GALM: variants seen among roughly 807,000 people sequenced by gnomAD.
GALM encodes galactose mutarotase.
Under a neutral mutation model 37.4 loss-of-function variants are expected in GALM, and 43 were observed. The observed-to-expected ratio is 1.15, with a 90% CI of 0.90 to 1.48. The LOEUF is 1.48. Ranked by LOEUF, GALM falls within the 40% of genes most tolerant of loss-of-function variation. The probability of loss-of-function intolerance (pLI) is 0.00; values close to 1 mark genes in which losing one functional copy is unlikely to be tolerated. For missense variants in GALM, 456 were observed against 419.1 expected (o/e 1.09, Z -0.77); for synonymous variants, 199 against 170.6 (o/e 1.17, Z -1.30).
At position 38,675,801 on chromosome 2, in the gene GALM, C is replaced by T. The variant is rs556516328; in HGVS notation, c.191-111C>T. 5.8e-5 allele frequency: 55 copies of T among 950,892 alleles called. No homozygotes were observed. In the African/African-American group the frequency reaches 8.2e-4, roughly 14 times the overall value. 58.9% of individuals were successfully genotyped at this position (950,892 alleles called of 1,614,324 possible). ...AGCCAGGATGGTCTCGATCTCCTGA[C>T]CTTGTGATCCGCCTGCCTCGGCCTC... On this transcript the variant is annotated intron_variant, in intron 1 of 6. Coordinates refer to ENST00000272252, the MANE Select transcript of GALM (RefSeq NM_138801.3).
chr2:38,689,809 C>A lies in GALM; in HGVS notation c.553-4C>A. 1 of 1,580,706 alleles carries A rather than the reference C, an allele frequency of 6.3e-7. No homozygotes were observed. Among genetic ancestry groups the A allele is most frequent in the East Asian group, 2.2e-5 (1 of 44,526 alleles). On this transcript the variant is annotated splice_polypyrimidine_tract_variant and splice_region_variant and intron_variant, in intron 3 of 6. Transcript: ENST00000272252. ...AAAACCTTTCCCCTACCTTTTCCTCCCAGGCTTCCCCAAATATAAATGACC... is the reference window on the plus strand; with the variant it reads ...AAAACCTTTCCCCTACCTTTTCCTCACAGGCTTCCCCAAATATAAATGACC...
At chr2:38,673,809 C>CAAAAA (rs373671218) in intron 1 of GALM, among the ~76,000 whole-genome samples, 1 of 84,528 alleles carries the variant, frequency 1.2e-5, no homozygotes, top group African/African-American at 4.1e-5. Flanking sequence ...GACTCCGTCT[C>CAAAAA]AAAAAAAAAA....
In GALM at chr2:38,695,859, C is replaced by T. The variant is rs370317217; in HGVS notation, c.634+5965C>T. Among the ~76,000 whole-genome samples the T allele has an allele frequency of 5.1e-4, 78 of 151,768 alleles. No individual in the cohort carries two copies. In the East Asian group the frequency reaches 1.0e-2, roughly 19 times the overall value. On this transcript the variant is annotated intron_variant, in intron 4 of 6. Transcript: ENST00000272252. ...CTACAGGCGCGCATGCCACCATACC[C>T]GGATAATTTTTGTATTTTTAGTAGA...
intron 4 of GALM, among the ~76,000 whole-genome samples, chr2:38,718,901 AT>A (rs1227076403): frequency 6.6e-6 from 1 of 151,766 alleles, no homozygotes; most frequent in African/African-American, 2.4e-5. Context: ...ATTAAAATTC[AT>A]CCGGGTGAGA....
intron 4 of GALM, among the ~76,000 whole-genome samples, chr2:38,717,198 C>G (rs1416705884): frequency 6.6e-6 from 1 of 151,362 alleles, no homozygotes; most frequent in African/African-American, 2.4e-5. Context: ...TGCAGTGAGC[C>G]AAGATCACGC....
At chr2:38,726,056 C>T (rs913770186) in intron 4 of GALM, among the ~76,000 whole-genome samples, 10 of 151,930 alleles carry the variant, frequency 6.6e-5, no homozygotes, top group African/African-American at 1.7e-4. Context: ...AAAGCATACC[C>T]AAGTGGGTCA....
Position 38,681,295 on chromosome 2 carries a change from C to T in GALM, c.361C>T (p.Arg121Trp), listed in dbSNP as rs990325550. The T allele has an allele frequency of 8.7e-6, 14 of 1,613,188 alleles. No individual in the cohort carries two copies. Among genetic ancestry groups the T allele is most frequent in the South Asian group, 1.1e-5 (1 of 91,040 alleles). Residue 121 changes from arginine to tryptophan, a missense_variant, in exon 3 of 7, where the codon CGG becomes TGG. Arg to Trp is a moderately radical substitution (Grantham distance 101). Transcript: ENST00000272252. The stretch of plus-strand genomic sequence containing the variant: ...TTTTTTCCAGGTGCTCTGGACCCCT[C>T]GGGTGCTGTCAAATGGCGTCCAGTT... ...RGFDKVLWTP[R>W]VLSNGVQFSR...
At chr2:38,709,628 G>A (rs1288655805) in intron 4 of GALM, among the ~76,000 whole-genome samples, 2 of 151,482 alleles carry the variant, frequency 1.3e-5, no homozygotes, top group Non-Finnish European at 2.9e-5. Flanking sequence ...GCAGAGGAAA[G>A]GGAAAAAAAC....
In GALM at chr2:38,686,279, A is replaced by AT. The variant is rs1665531353; in HGVS notation, c.553-3530dup. Among the ~76,000 whole-genome samples, 2 of 49,686 alleles carry AT rather than the reference A, an allele frequency of 4.0e-5. 1 individual carries two copies. Among genetic ancestry groups the AT allele is most frequent in the African/African-American group, 1.8e-4 (2 of 11,244 alleles). 32.6% of individuals were successfully genotyped at this position (49,686 alleles called of 152,430 possible). On this transcript the variant is annotated intron_variant, in intron 3 of 6. Coordinates refer to ENST00000272252, the MANE Select transcript of GALM (RefSeq NM_138801.3). ...TTCTTTCTTTCTTTCTTTCTTTCTT[A>AT]TTTTGAGATGGAGTCTCGCTCTGTC...
chr2:38,715,138 T>C (rs766665833), intron 4 of GALM, among the ~76,000 whole-genome samples: 4 of 152,230 alleles, frequency 2.6e-5, no homozygotes, highest in Non-Finnish European at 5.9e-5. Context: ...TTTAAACATT[T>C]TTTGTTTTAA....
intron 4 of GALM, among the ~76,000 whole-genome samples, chr2:38,719,736 T>G (rs965685889): frequency 6.9e-6 from 1 of 145,886 alleles, no homozygotes; most frequent in Non-Finnish European, 1.5e-5. Flanking sequence ...ATCACGCCAT[T>G]GCACTCCAGC....
intron 4 of GALM, among the ~76,000 whole-genome samples, chr2:38,714,583 T>A (rs1375694996): frequency 6.6e-6 from 1 of 152,108 alleles, no homozygotes; most frequent in Non-Finnish European, 1.5e-5. Context: ...AAAAAGGCAA[T>A]ATAATAATTA....
intron 4 of GALM, 132 bp downstream of exon 4, chr2:38,690,026 G>T (rs1665635270): frequency 3.4e-6 from 2 of 584,090 alleles, no homozygotes; most frequent in South Asian, 2.5e-5. Context: ...TATTCTAGTG[G>T]TAATTTCTTA....
At chr2:38,689,997 A>G (rs1056693215) in intron 4 of GALM, 103 bp downstream of exon 4, 10 of 661,594 alleles carry the variant, frequency 1.5e-5, no homozygotes, top group Non-Finnish European at 2.1e-5. Context: ...AATAAAGTCT[A>G]CAGTTTAGTT....
At position 38,675,908 on chromosome 2, in the gene GALM, G is replaced by T; in HGVS notation, c.191-4G>T. On this transcript the variant is annotated splice_polypyrimidine_tract_variant and splice_region_variant and intron_variant, in intron 1 of 6. Transcript: ENST00000272252. ...AAAAGTGCTGTCATCCCTTGTCCTT[G>T]CAGGATACCTCCAAAAGCAGCCATA... The T allele has an allele frequency of 6.2e-7, 1 of 1,613,842 alleles. No homozygotes were observed. Among genetic ancestry groups the T allele is most frequent in the Non-Finnish European group, 8.5e-7 (1 of 1,179,940 alleles).
At chr2:38,696,433 C>CTT (rs35556554) in intron 4 of GALM, among the ~76,000 whole-genome samples, 9,237 of 136,460 alleles carry the variant, frequency 0.068, 430 homozygotes, top group South Asian at 0.22. Flanking sequence ...TTTTTCTTTT[C>CTT]TTTTTTTTTT....
chr2:38,675,668 A>G (rs1003791100), intron 1 of GALM, among the ~76,000 whole-genome samples: 1 of 150,656 alleles, frequency 6.6e-6, no homozygotes, highest in African/African-American at 2.4e-5. Flanking sequence ...TCCCAGGTTC[A>G]TGCCATTCTC....
chr2:38,731,731 C>G lies in GALM; in HGVS notation c.777-4C>G. ...GGACTCATGTTGTTTGTATTTCTTACCAGGGTGCATCATGCTGCAAGCGGG... is the reference window on the plus strand; with the variant it reads ...GGACTCATGTTGTTTGTATTTCTTAGCAGGGTGCATCATGCTGCAAGCGGG... On this transcript the variant is annotated splice_polypyrimidine_tract_variant and splice_region_variant and intron_variant, in intron 5 of 6. Coordinates refer to ENST00000272252, the MANE Select transcript of GALM (RefSeq NM_138801.3). 1 of 1,612,280 alleles carries G rather than the reference C, an allele frequency of 6.2e-7. No homozygotes were observed. The highest frequency in any genetic ancestry group is 8.5e-7 in the Non-Finnish European group (1 of 1,178,756).
At chr2:38,715,652 T>C (rs1666255763) in intron 4 of GALM, among the ~76,000 whole-genome samples, 1 of 152,114 alleles carries the variant, frequency 6.6e-6, no homozygotes, top group South Asian at 2.1e-4. Flanking sequence ...TGGCTGGTCT[T>C]GAACTCCTGG....
Sources: allele counts gnomAD v4.1 joint callset (sites outside exome capture counted in the v4.1 genomes callset), GRCh38; gene constraint gnomAD v4.1.1; transcripts MANE v1.5; gene names NCBI Gene and HGNC (gene_info 2026-07-23, HGNC 2026-07-21).